The following ZNF808 variants were observed in gnomAD, a reference collection of about 807,000 sequenced individuals.
The protein encoded by ZNF808 is zinc finger protein 808.
In ZNF808, 5 loss-of-function variants were observed where a neutral mutation model predicts 8.7. That is an observed-to-expected ratio of 0.58 (90% CI 0.30 to 1.21). The LOEUF (loss-of-function observed/expected upper bound fraction) is 1.21, where lower values mean the gene tolerates loss of function less well. Among genes scored for constraint, ZNF808 ranks in the 50% most tolerant of loss-of-function variants. ZNF808 has a pLI of 0.07. For synonymous variants in ZNF808, 380 were observed against 366.0 expected, an observed-to-expected ratio of 1.04 and a Z score of -0.44; for missense variants, 1,103 against 1,098.4, an observed-to-expected ratio of 1.00 and a Z score of -0.06.
rs181870213 is a variant in ZNF808 at position 52,531,740 on chromosome 19, T to G, written c.-121-1168T>G. 8.6e-3 allele frequency among the ~76,000 whole-genome samples: 1,034 copies of G among 120,466 alleles called. 5 individuals are homozygous for G. Among genetic ancestry groups the G allele is most frequent in the Middle Eastern group, 0.02 (5 of 244 alleles). 79.0% of individuals were successfully genotyped at this position (120,466 alleles called of 152,430 possible). A position where few individuals can be genotyped will look rare whatever the true frequency, so the allele number is the denominator to read the frequency against. ...AGTTTATAAATTTTCCCAGTACACA[T>G]TCTATGTTTTATATTTTACACACAG... is the stretch of plus-strand genomic sequence containing the variant. On this transcript the variant is annotated intron_variant, in intron 1 of 4. Transcript: ENST00000359798.
chr19:52,538,652 C>A (rs2059638103), intron 2 of ZNF808, among the ~76,000 whole-genome samples: 2 of 142,824 alleles, frequency 1.4e-5, no homozygotes, highest in African/African-American at 2.6e-5. Context: ...AAGAATGGAG[C>A]AAAACAGGAG....
downstream of ZNF808, among the ~76,000 whole-genome samples, chr19:52,566,197 A>G (rs1426880532): frequency 6.6e-6 from 1 of 151,930 alleles, no homozygotes; most frequent in East Asian, 1.9e-4. Context: ...CGGAGTTTCA[A>G]TCTTGTTGCC....
At position 52,555,248 on chromosome 19, in the gene ZNF808, C is replaced by T. The variant is rs1176937259; in HGVS notation, c.2332C>T (p.Leu778Phe). 2 of 1,613,920 alleles carry T rather than the reference C, an allele frequency of 1.2e-6. No individual in the cohort carries two copies. The highest frequency in any genetic ancestry group is 2.7e-5 in the African/African-American group (2 of 74,878). Residue 778 changes from leucine (L) to phenylalanine (F), a missense_variant, in exon 5 of 5, where the codon CTT becomes TTT. Coordinates refer to ENST00000359798, the MANE Select transcript of ZNF808 (RefSeq NM_001039886.4). The part of the protein sequence containing the change: ...CGNTFRHWSS[L>F]VYHRRLHTGE... ...CAATACCTTCCGTCACTGGTCATCC[C>T]TTGTATACCATCGTAGACTTCATAC...
At chr19:52,550,318 C>T (rs1041657052) in intron 4 of ZNF808, among the ~76,000 whole-genome samples, 2 of 151,910 alleles carry the variant, frequency 1.3e-5, no homozygotes, top group Admixed American at 6.6e-5. Flanking sequence ...ACAACCTCCA[C>T]CTCCTGGATT....
Position 52,554,901 on chromosome 19 carries a change from A to G in ZNF808, c.1985A>G (p.Tyr662Cys). 3.1e-6 allele frequency: 5 copies of G among 1,614,214 alleles called. No homozygotes were observed. Among genetic ancestry groups the G allele is most frequent in the Non-Finnish European group, 4.2e-6 (5 of 1,180,022 alleles). The change falls in exon 5 of 5, where the codon TAC (tyrosine) becomes TGC (cysteine). Residue 662 changes from tyrosine to cysteine, a missense_variant. Transcript: ENST00000359798. ...AATGAGTGTGGGAAGACCTTCAGTT[A>G]CAAGTCATCACTTGTATGGCATCGT... ...KCNECGKTFSYKSSLVWHRRL... is the reference protein window; with the variant it reads ...KCNECGKTFSCKSSLVWHRRL...
At chr19:52,543,758 G>A (rs536792257) in intron 3 of ZNF808, among the ~76,000 whole-genome samples, 2 of 152,258 alleles carry the variant, frequency 1.3e-5, no homozygotes, top group East Asian at 3.9e-4. Flanking sequence ...TTCTGGGAAA[G>A]GAGACGAATA....
downstream of ZNF808, among the ~76,000 whole-genome samples, chr19:52,567,201 G>A (rs531064361): frequency 5.1e-4 from 78 of 151,984 alleles, 1 homozygote; most frequent in African/African-American, 1.7e-3. Context: ...ATGCCCCCAC[G>A]TCGGCCTTCC....
rs1296569176 is a variant in ZNF808 at position 52,555,539 on chromosome 19, T to C, written c.2623T>C (p.Tyr875His). ...GATAATTCATACTGGAGAGAAACCT[T>C]ACAAGTGTAATGAGTGTGGCAAAGC... ...HRIIHTGEKP[Y>H]KCNECGKAFS... Residue 875 changes from tyrosine to histidine, a missense_variant, in exon 5 of 5, where the codon TAC (tyrosine) becomes CAC (histidine). Coordinates refer to ENST00000359798, the MANE Select transcript of ZNF808 (RefSeq NM_001039886.4). The C allele has an allele frequency of 3.7e-6, 6 of 1,614,072 alleles. No individual in the cohort carries two copies. The highest frequency in any genetic ancestry group is 1.1e-5 in the South Asian group (1 of 91,070).
Position 52,553,107 on chromosome 19 carries a change from A to G in ZNF808, c.191A>G (p.Asp64Gly). 6.5e-7 allele frequency: 1 copy of G among 1,541,482 alleles called. No individual in the cohort carries two copies. Among genetic ancestry groups the G allele is most frequent in the Non-Finnish European group, 8.7e-7 (1 of 1,149,390 alleles). ...ATGTATTGGTGTTTATATTTTGTAG[A>G]TATCTCTTCCAAACACATGATGAAG... ...LENYRNLEAV[D>G]ISSKHMMKEV... Residue 64 changes from aspartate to glycine, a missense_variant and splice_region_variant, in exon 5 of 5, where the codon GAT becomes GGT. Physicochemically the swap from Asp to Gly is moderately conservative, Grantham distance 94. Transcript: ENST00000359798.
At chr19:52,539,141 CTT>C (rs2059643058) in intron 2 of ZNF808, among the ~76,000 whole-genome samples, 1 of 147,808 alleles carries the variant, frequency 6.8e-6, no homozygotes, top group Non-Finnish European at 1.5e-5. Context: ...CTTTTGTTCT[CTT>C]TTTGTAATTG....
In ZNF808 at chr19:52,554,965, T is replaced by C. The variant is rs1473728004; in HGVS notation, c.2049T>C (p.Val683=). The C allele has an allele frequency of 1.2e-6, 2 of 1,614,054 alleles. No individual in the cohort carries two copies. The highest frequency in any genetic ancestry group is 1.7e-5 in the Admixed American group (1 of 59,992). ...GAGAGAAATCTTACAAATGTAAGGT[T>C]TGTGACAAGGCTTTCGTGTGTCGTT... ...HGGEKSYKCK[V]CDKAFVCRSY... Residue 683 remains valine, a synonymous_variant, in exon 5 of 5, where the codon GTT becomes GTC. Coordinates refer to ENST00000359798, the MANE Select transcript of ZNF808 (RefSeq NM_001039886.4).
At chr19:52,544,363 CTCAG>C (rs1179381807) in intron 3 of ZNF808, among the ~76,000 whole-genome samples, 2 of 152,136 alleles carry the variant, frequency 1.3e-5, no homozygotes, top group Admixed American at 6.6e-5. Flanking sequence ...AAGATGGAGT[CTCAG>C]TCAGCAAAGC....
chr19:52,541,174 A>T (rs770716773), intron 2 of ZNF808, among the ~76,000 whole-genome samples: 2 of 146,096 alleles, frequency 1.4e-5, no homozygotes, highest in Non-Finnish European at 3.0e-5. Flanking sequence ...ATGATCTTGA[A>T]CTCCTGACTT....
At chr19:52,542,815 CT>C (rs111433455) in intron 2 of ZNF808, among the ~76,000 whole-genome samples, 67 of 144,612 alleles carry the variant, frequency 4.6e-4, no homozygotes, top group Admixed American at 7.0e-4. Flanking sequence ...TTTGAGTTTC[CT>C]TTTTTTTTTT....
At chr19:52,565,803 A>G (rs2059871780), downstream of ZNF808, among the ~76,000 whole-genome samples, 1 of 152,146 alleles carries the variant, frequency 6.6e-6, no homozygotes, top group South Asian at 2.1e-4. Flanking sequence ...ACCTTCCCAG[A>G]TCGAACCAAG....
intron 3 of ZNF808, 129 bp from the exon 4 acceptor site, chr19:52,547,383 A>T (rs1236467396): frequency 6.5e-7 from 1 of 1,534,842 alleles, no homozygotes; most frequent in Non-Finnish European, 8.7e-7. Context: ...AGTCAAAAAT[A>T]CCTTAACATC....
chr19:52,536,874 G>A (rs914699096), intron 2 of ZNF808, among the ~76,000 whole-genome samples: 1 of 152,094 alleles, frequency 6.6e-6, no homozygotes, highest in African/African-American at 2.4e-5. Flanking sequence ...TCAAAAGATT[G>A]GGGAGAAGGA....
At chr19:52,562,768 G>T (rs1055777091) in intron 3 of ZNF808, among the ~76,000 whole-genome samples, 1 of 143,346 alleles carries the variant, frequency 7.0e-6, no homozygotes, top group Non-Finnish European at 1.5e-5. Flanking sequence ...CTCTGACACT[G>T]TTAGTCAATT....
At chr19:52,551,389 G>A (rs2059775098) in intron 4 of ZNF808, among the ~76,000 whole-genome samples, 1 of 151,702 alleles carries the variant, frequency 6.6e-6, no homozygotes, top group Admixed American at 6.6e-5. Flanking sequence ...CAGGCATGGT[G>A]GCATGTGTCT....
Sources: allele counts gnomAD v4.1 joint callset (sites outside exome capture counted in the v4.1 genomes callset), GRCh38; gene constraint gnomAD v4.1.1; transcripts MANE v1.5; gene names NCBI Gene and HGNC (gene_info 2026-07-23, HGNC 2026-07-21).